Variants in TMEM53 observed in about 807,000 individuals in gnomAD.
TMEM53 encodes transmembrane protein 53.
Under a neutral mutation model 21.4 loss-of-function variants are expected in TMEM53, and 14 were observed. The ratio of observed to expected loss-of-function variants is 0.65; its 90% CI spans 0.43 to 1.02. The LOEUF (loss-of-function observed/expected upper bound fraction) is 1.02. Among genes scored for constraint, TMEM53 ranks in the 50% least tolerant of loss-of-function variants. The pLI is 0.00. For synonymous variants in TMEM53, 148 were observed against 157.4 expected, an observed-to-expected ratio of 0.94 and a Z score of 0.45; for missense variants, 323 against 383.6, an observed-to-expected ratio of 0.84 and a Z score of 1.32.
chr1:44,660,440 A>G, intron 1 of TMEM53, 145 bp from the exon 2 acceptor site: 1 of 1,199,632 alleles, frequency 8.3e-7, no homozygotes, highest in Non-Finnish European at 1.2e-6. Context: ...CGCATGCACC[A>G]GTTCCCACCC....
intron 1 of TMEM53, among the ~76,000 whole-genome samples, chr1:44,673,164 C>T (rs1381087846): frequency 6.6e-6 from 1 of 152,224 alleles, no homozygotes; most frequent in African/African-American, 2.4e-5. Context: ...AAGCGCTAAG[C>T]CAGCAGATCC....
chr1:44,670,169 T>TAAAAAAAAAAAAAAAAAA (rs780360806), intron 1 of TMEM53, among the ~76,000 whole-genome samples: 26 of 103,766 alleles, frequency 2.5e-4, no homozygotes, highest in African/African-American at 8.3e-4. Flanking sequence ...TCCTCTGTAT[T>TAAAAAAAAAAAAAAAAAA]AAAAAAAAAA....
intron 1 of TMEM53, among the ~76,000 whole-genome samples, chr1:44,671,586 ACT>A (rs1645001177): frequency 6.6e-6 from 1 of 152,024 alleles, no homozygotes; most frequent in African/African-American, 2.4e-5. Flanking sequence ...ATACAGTAAG[ACT>A]CTGTCTCCAT....
At chr1:44,660,038 A>T (rs763234305) in intron 2 of TMEM53, 136 bp downstream of exon 2, 26 of 1,108,156 alleles carry the variant, frequency 2.3e-5, no homozygotes, top group Non-Finnish European at 3.2e-5. Context: ...TTGTATTTTT[A>T]GTAGAGACAG....
Position 44,654,459 on chromosome 1 carries a change from G to A in TMEM53, c.*100C>T, listed in dbSNP as rs1280666835. On this transcript the variant is annotated 3_prime_UTR_variant, in exon 3 of 3. Coordinates refer to ENST00000372237, the MANE Select transcript of TMEM53 (RefSeq NM_024587.4). This position sits in a 1 kb window ranked among gnomAD's most constrained non-coding sequence, Gnocchi z 7.0. ...TTAGGGGACCGCAAAGTCCCAAAGG[G>A]CTACAGGGAGTTGAACGAGAAGAGT... 3 of 1,415,484 alleles carry A rather than the reference G, an allele frequency of 2.1e-6. No individual in the cohort carries two copies. The highest frequency in any genetic ancestry group is 2.9e-6 in the Non-Finnish European group (3 of 1,035,800). The allele number at this position is 1,415,484 out of a possible 1,614,324, so 87.7% of individuals were successfully genotyped here.
At chr1:44,665,896 T>C (rs1644944971) in intron 1 of TMEM53, among the ~76,000 whole-genome samples, 1 of 152,086 alleles carries the variant, frequency 6.6e-6, no homozygotes, top group Non-Finnish European at 1.5e-5. Context: ...ATAAAAACTT[T>C]TTATTTCAAA....
intron 1 of TMEM53, chr1:44,673,738 G>A (rs1431541702): frequency 1.5e-6 from 1 of 675,780 alleles, no homozygotes; most frequent in African/African-American, 2.0e-5. Flanking sequence ...TGCAGAGGAG[G>A]AAACTGAAGT....
chr1:44,674,289 G>C (rs1645059876), intron 1 of TMEM53, 42 bp downstream of exon 1: 3 of 1,581,484 alleles, frequency 1.9e-6, no homozygotes, highest in South Asian at 2.3e-5. Context: ...ACAGGTTCAT[G>C]AGGTCACCTC....
intron 1 of TMEM53, among the ~76,000 whole-genome samples, chr1:44,671,229 G>A (rs570287852): frequency 1.6e-4 from 24 of 152,340 alleles, no homozygotes; most frequent in African/African-American, 4.8e-4. Context: ...TGGGTCAAAC[G>A]ACCGGCTTTA....
chr1:44,654,619 G>T lies in TMEM53; in HGVS notation c.774C>A (p.Asp258Glu), dbSNP rs1557489317. 2 of 1,613,900 alleles carry T rather than the reference G, an allele frequency of 1.2e-6. No individual in the cohort carries two copies. Among genetic ancestry groups the T allele is most frequent in the Non-Finnish European group, 1.7e-6 (2 of 1,179,962 alleles). The change falls in exon 3 of 3, where the codon GAC (aspartate) becomes GAA (glutamate). Residue 258 changes from aspartate (D) to glutamate (E), a missense_variant. Physicochemically the swap from Asp to Glu is conservative, Grantham distance 45 (BLOSUM62 2). Coordinates refer to ENST00000372237, the MANE Select transcript of TMEM53 (RefSeq NM_024587.4). This position sits in a 1 kb window ranked among gnomAD's most constrained non-coding sequence, Gnocchi z 7.0. ...VSSAHVSHLR[D>E]YPTYYTSLCV... ...AGAGGCTTGTGTAGTAAGTAGGGTA[G>T]TCACGGAGGTGGCTGACGTGTGCAG...
chr1:44,669,884 C>T (rs932631581), intron 1 of TMEM53, among the ~76,000 whole-genome samples: 1 of 151,570 alleles, frequency 6.6e-6, no homozygotes, highest in Non-Finnish European at 1.5e-5. Context: ...CTGCAACCTC[C>T]GCCTCCCAGG....
intron 1 of TMEM53, among the ~76,000 whole-genome samples, chr1:44,672,722 G>A (rs1465044295): frequency 6.6e-6 from 1 of 151,054 alleles, no homozygotes; most frequent in East Asian, 1.9e-4. Context: ...GGAGCCATGG[G>A]ATCCGCCACT....
chr1:44,667,308 T>A (rs1644957177), intron 1 of TMEM53, among the ~76,000 whole-genome samples: 1 of 135,478 alleles, frequency 7.4e-6, no homozygotes, highest in Non-Finnish European at 1.5e-5. Flanking sequence ...CGCACACTTT[T>A]TTTGTTGTTT....
chr1:44,671,377 C>G (rs1367300587), intron 1 of TMEM53, among the ~76,000 whole-genome samples: 1 of 152,260 alleles, frequency 6.6e-6, no homozygotes, highest in Non-Finnish European at 1.5e-5. Context: ...TCTGCAGCTG[C>G]CTTCCAGCTA....
intron 1 of TMEM53, among the ~76,000 whole-genome samples, chr1:44,663,577 A>G (rs1303338511): frequency 6.6e-6 from 1 of 152,152 alleles, no homozygotes; most frequent in Non-Finnish European, 1.5e-5. Context: ...TCATTGCCAC[A>G]TCAGGATCAT....
Position 44,654,582 on chromosome 1 carries a change from T to C in TMEM53, c.811A>G (p.Met271Val). ...CCTCAGCAGCGGACGCAGTTGCGCA[T>C]GAAGTCGACACAGAGGCTTGTGTAG... ...TYYTSLCVDF[M>V]RNCVRC Residue 271 changes from methionine (M) to valine (V), a missense_variant, in exon 3 of 3, where the codon ATG becomes GTG. This residue lies in a region of TMEM53 where 269 missense variants were observed against 334.5 expected (regional missense o/e 0.80). Coordinates refer to ENST00000372237, the MANE Select transcript of TMEM53 (RefSeq NM_024587.4). The surrounding 1 kb of genome is among the most constrained non-coding windows in gnomAD (Gnocchi z 7.0). 6.2e-7 allele frequency: 1 copy of C among 1,607,108 alleles called. No homozygotes were observed. The highest frequency in any genetic ancestry group is 8.5e-7 in the Non-Finnish European group (1 of 1,174,162).
intron 1 of TMEM53, among the ~76,000 whole-genome samples, chr1:44,668,145 T>C (rs995968471): frequency 6.6e-6 from 1 of 152,040 alleles, no homozygotes; most frequent in Admixed American, 6.6e-5. Flanking sequence ...GTTTTCTTTT[T>C]AAAATGCAAA....
intron 1 of TMEM53, among the ~76,000 whole-genome samples, chr1:44,671,532 TAGG>T (rs1645000643): frequency 6.6e-6 from 1 of 152,188 alleles, no homozygotes; most frequent in African/African-American, 2.4e-5. Context: ...GAGGCTGCGA[TAGG>T]AGGACTGCTT....
Position 44,654,438 on chromosome 1 carries a change from G to T in TMEM53, c.*121C>A. On this transcript the variant is annotated 3_prime_UTR_variant, in exon 3 of 3. Transcript: ENST00000372237. The surrounding 1 kb of genome is among the most constrained non-coding windows in gnomAD (Gnocchi z 7.0). ...AGGCCCATAGGAATTTTCTACTTAG[G>T]GGACCGCAAAGTCCCAAAGGGCTAC... 1 of 1,206,354 alleles carries T rather than the reference G, an allele frequency of 8.3e-7. No homozygotes were observed. The highest frequency in any genetic ancestry group is 1.2e-6 in the Non-Finnish European group (1 of 861,050). 74.7% of individuals were successfully genotyped at this position (1,206,354 alleles called of 1,614,324 possible).
Sources: allele counts gnomAD v4.1 joint callset (sites outside exome capture counted in the v4.1 genomes callset), GRCh38; gene constraint gnomAD v4.1.1; regional missense constraint gnomAD v4.1.1; non-coding constraint Gnocchi (gnomAD v3.1); transcripts MANE v1.5; gene names NCBI Gene and HGNC (gene_info 2026-07-23, HGNC 2026-07-21).